DMD: variants seen among roughly 807,000 people sequenced by gnomAD.
DMD encodes the protein dystrophin, also known as mutant dystrophin.
In DMD, 63 loss-of-function variants were observed where a neutral mutation model predicts 330.1. The ratio of observed to expected loss-of-function variants is 0.19; its 90% CI spans 0.16 to 0.24. The LOEUF (loss-of-function observed/expected upper bound fraction) is 0.24. DMD is among the 10% of genes least tolerant of loss of function. DMD has a pLI of 1.00. For synonymous variants in DMD, 1,223 were observed against 959.8 expected (o/e 1.27, Z -5.07); for missense variants, 3,344 against 2,684.1 (o/e 1.25, Z -5.43).
At chrX:32,655,849 A>G (rs967495434) in intron 9 of DMD, among the ~76,000 whole-genome samples, 18 of 111,469 alleles carry the variant, frequency 1.6e-4, no homozygotes, top group African/African-American at 5.9e-4. Flanking sequence ...TATATTTAGG[A>G]TAGTTAGCTC....
chrX:32,432,727 G>C (rs904189184), intron 29 of DMD, among the ~76,000 whole-genome samples: 3 of 112,038 alleles, frequency 2.7e-5, no homozygotes, highest in African/African-American at 9.7e-5. Context: ...AAAACATATT[G>C]ACAAATTAAT....
At chrX:32,541,270 A>T (rs1211420090) in intron 17 of DMD, among the ~76,000 whole-genome samples, 1 of 110,608 alleles carries the variant, frequency 9.0e-6, no homozygotes, top group Non-Finnish European at 1.9e-5. Context: ...CACTACCTCC[A>T]CCACCATCAT....
intron 1 of DMD, among the ~76,000 whole-genome samples, chrX:33,065,577 T>TG (rs2094641868): frequency 3.9e-5 from 4 of 102,432 alleles, no homozygotes; most frequent in Non-Finnish European, 7.9e-5. Flanking sequence ...CCAAAGATTA[T>TG]AAGCCGGTCT....
intron 7 of DMD, among the ~76,000 whole-genome samples, chrX:32,741,967 C>T (rs890117830): frequency 6.3e-5 from 7 of 111,537 alleles, no homozygotes; most frequent in African/African-American, 2.0e-4. Flanking sequence ...AAAGTAATGG[C>T]AAAAACCGTG....
chrX:32,642,390 A>T (rs1243606018), intron 11 of DMD, among the ~76,000 whole-genome samples: 1 of 112,010 alleles, frequency 8.9e-6, no homozygotes. Context: ...AAGCTGTAAC[A>T]CGTACAAAAG....
intron 55 of DMD, among the ~76,000 whole-genome samples, chrX:31,571,444 T>A (rs1217572883): frequency 9.0e-6 from 1 of 110,514 alleles, no homozygotes; most frequent in Non-Finnish European, 1.9e-5. Context: ...GCAATATTTT[T>A]AAAATATTGT....
At chrX:31,572,134 TAA>T (rs976546624) in intron 55 of DMD, among the ~76,000 whole-genome samples, 8 of 109,709 alleles carry the variant, frequency 7.3e-5, no homozygotes, top group African/African-American at 2.3e-4. Flanking sequence ...AAACCTAAAA[TAA>T]AAGTTAAAAA....
chrX:32,656,244 T>C (rs2060562862), intron 9 of DMD, among the ~76,000 whole-genome samples: 1 of 111,682 alleles, frequency 9.0e-6, no homozygotes, highest in Admixed American at 9.6e-5. Context: ...TCCTCCCTCC[T>C]GAAGGTCGTG....
At chrX:32,082,578 A>T (rs2096402351) in intron 44 of DMD, among the ~76,000 whole-genome samples, 1 of 110,463 alleles carries the variant, frequency 9.1e-6, no homozygotes. Flanking sequence ...TGTTATTTCC[A>T]CTCATTTGTT....
intron 61 of DMD, among the ~76,000 whole-genome samples, chrX:31,341,891 G>GCACACACACACACACACA (rs58867858): frequency 4.0e-5 from 4 of 98,883 alleles, no homozygotes; most frequent in Non-Finnish European, 4.1e-5. Flanking sequence ...GTGCGCGCGC[G>GCACACACACACACACACA]CACACACACA....
intron 41 of DMD, among the ~76,000 whole-genome samples, chrX:32,312,356 G>A: frequency 9.0e-6 from 1 of 111,184 alleles, no homozygotes; most frequent in Admixed American, 9.6e-5. Context: ...TCTTTGATAT[G>A]TAGTTTTCTC....
chrX:32,725,907 C>A (rs1369077852), intron 7 of DMD, among the ~76,000 whole-genome samples: 1 of 111,102 alleles, frequency 9.0e-6, no homozygotes, highest in Admixed American at 9.6e-5. Flanking sequence ...TTATTATTTA[C>A]TGCATGCCTT....
rs755632126 is a variant in DMD, at chrX:32,464,685, G to A, written c.3177C>T (p.Thr1059=). The change falls in exon 24 of 79, where the codon ACC becomes ACT. Residue 1059 remains threonine, a synonymous_variant. Transcript: ENST00000357033. ...CAACTTCAGCCATCCATTTCTTCAG[G>A]GTTTGTATGTGATTCTGAAACGAGA... ...KLRKIQNHIQ[T]LKKWMAEVDV... is the part of the protein sequence containing the mutation. 5.9e-6 allele frequency: 7 copies of A among 1,196,290 alleles called. No homozygotes were observed. The African/African-American group carries it at 1.2e-4, about 21-fold the overall frequency.
intron 47 of DMD, among the ~76,000 whole-genome samples, chrX:31,905,101 T>G (rs2094463599): frequency 9.0e-6 from 1 of 111,722 alleles, no homozygotes; most frequent in African/African-American, 3.2e-5. Flanking sequence ...GATGAAATGA[T>G]AAAACCATTA....
Position 31,774,064 on chromosome X carries a change from T to C in DMD, c.7438A>G (p.Thr2480Ala), listed in dbSNP as rs1278457227. The C allele has an allele frequency of 8.3e-7, 1 of 1,210,981 alleles. No individual in the cohort carries two copies. Among genetic ancestry groups the C allele is most frequent in the Non-Finnish European group, 1.1e-6 (1 of 895,287 alleles). The change falls in exon 51 of 79, where the codon ACA becomes GCA. Residue 2480 changes from threonine (T) to alanine (A), a missense_variant. Coordinates refer to ENST00000357033, the MANE Select transcript of DMD (RefSeq NM_004006.3). ...PALADFNRAW[T>A]ELTDWLSLLD... is the part of the protein sequence containing the mutation. ...AGAGAAAGCCAGTCGGTAAGTTCTG[T>C]CCAAGCCCGGTTGAAATCTGCCAGA...
rs139590169 is a variant in DMD at position 32,973,497 on chromosome X, G to A, written c.93+46642C>T. ...CTACTACCTTGTTTGCTAGAACAGC[G>A]TTTGCTTGGAACCCTGAGTTACCAT... On this transcript the variant is annotated intron_variant, in intron 2 of 78. Coordinates refer to ENST00000357033, the MANE Select transcript of DMD (RefSeq NM_004006.3). Among the ~76,000 whole-genome samples the A allele has an allele frequency of 3.7e-4, 41 of 111,824 alleles. 1 individual carries two copies. In the East Asian group the frequency reaches 1.0e-2, roughly 27 times the overall value.
At chrX:31,578,374 G>C (rs5927019) in intron 55 of DMD, among the ~76,000 whole-genome samples, 27,555 of 110,902 alleles carry the variant, frequency 0.25, 2,548 homozygotes, top group Admixed American at 0.33. Context: ...TATTTTCTTG[G>C]TCTTTCCACT....
chrX:31,730,120 C>T (rs755346260), intron 51 of DMD, among the ~76,000 whole-genome samples: 2 of 111,439 alleles, frequency 1.8e-5, no homozygotes, highest in South Asian at 3.7e-4. Context: ...TTCTGTGTGA[C>T]GTCAAAATTA....
intron 41 of DMD, among the ~76,000 whole-genome samples, chrX:32,338,854 A>G (rs1309790671): frequency 9.0e-6 from 1 of 111,504 alleles, no homozygotes; most frequent in Non-Finnish European, 1.9e-5. Context: ...GATTTGTGTG[A>G]TATTTCCTGT....
Sources: allele counts gnomAD v4.1 joint callset (sites outside exome capture counted in the v4.1 genomes callset), GRCh38; gene constraint gnomAD v4.1.1; transcripts MANE v1.5; gene names NCBI Gene and HGNC (gene_info 2026-07-23, HGNC 2026-07-21).